The following PCDHGA2 variants were observed in gnomAD, a reference collection of about 807,000 sequenced individuals.
PCDHGA2 encodes the protein protocadherin gamma-A2.
Under a neutral mutation model 59.2 loss-of-function variants are expected in PCDHGA2, and 40 were observed. The ratio of observed to expected loss-of-function variants is 0.68; its 90% CI spans 0.52 to 0.88. The LOEUF (loss-of-function observed/expected upper bound fraction) is 0.88, where lower values mean the gene tolerates loss of function less well. Among genes scored for constraint, PCDHGA2 ranks in the 40% least tolerant of loss-of-function variants. The pLI, the probability that PCDHGA2 is intolerant of heterozygous loss-of-function variation, is 0.00. For synonymous variants in PCDHGA2, 560 were observed against 526.0 expected (o/e 1.06, Z -0.89); for missense variants, 1,226 against 1,204.0 (o/e 1.02, Z -0.27).
chr5:141,408,443 A>G (rs1486863170), intron 1 of PCDHGA2: 1 of 1,613,956 alleles, frequency 6.2e-7, no homozygotes, highest in Non-Finnish European at 8.5e-7. Flanking sequence ...AGACGCGGAG[A>G]GCGGGGACTT....
At chr5:141,403,150 C>G (rs1420317278) in intron 1 of PCDHGA2, 2 of 1,614,046 alleles carry the variant, frequency 1.2e-6, no homozygotes, top group Non-Finnish European at 1.7e-6. Flanking sequence ...GAGTCCGCAT[C>G]GTCTCTAGAG....
chr5:141,416,718 G>T lies in PCDHGA2; in HGVS notation c.2424+75323G>T, dbSNP rs1202204760. The T allele has an allele frequency of 5.9e-5, 9 of 152,308 alleles. No homozygotes were observed. In the East Asian group the frequency reaches 1.5e-3, roughly 26 times the overall value. The allele number at this position is 152,308 out of a possible 1,614,324, so 9.4% of individuals were successfully genotyped here. On this transcript the variant is annotated intron_variant, in intron 1 of 3. Transcript: ENST00000394576. ...AAAGGATCATTGGAGGTACTGATGAGTTCATTTAGTTCAATGAAAATAGTG... is the reference window on the plus strand; with the variant it reads ...AAAGGATCATTGGAGGTACTGATGATTTCATTTAGTTCAATGAAAATAGTG...
In PCDHGA2 at chr5:141,415,239, T is replaced by G. The variant is rs781763142; in HGVS notation, c.2424+73844T>G. The G allele has an allele frequency of 8.1e-6, 13 of 1,614,068 alleles. No individual in the cohort carries two copies. The South Asian group carries it at 1.3e-4, about 16-fold the overall frequency. The stretch of plus-strand genomic sequence containing the variant: ...GCAGCTTCGAGTCTCCAGCTAACTC[T>G]GAAACCTCAGACCTCACTCTGTACC... On this transcript the variant is annotated intron_variant, in intron 1 of 3. Coordinates refer to ENST00000394576, the MANE Select transcript of PCDHGA2 (RefSeq NM_018915.4).
intron 1 of PCDHGA2, chr5:141,341,983 A>G (rs1365200845): frequency 1.3e-5 from 2 of 154,414 alleles, no homozygotes; most frequent in African/African-American, 4.8e-5. Context: ...TCAGGAAGGT[A>G]TGTCATATTA....
At chr5:141,361,018 A>G in intron 1 of PCDHGA2, 1 of 1,613,362 alleles carries the variant, frequency 6.2e-7, no homozygotes, top group Non-Finnish European at 8.5e-7. Context: ...TTTCAACTTA[A>G]ATGAAAAAAC....
intron 3 of PCDHGA2, among the ~76,000 whole-genome samples, chr5:141,509,398 G>A (rs1218925417): frequency 6.6e-6 from 1 of 152,106 alleles, no homozygotes; most frequent in Admixed American, 6.5e-5. Context: ...GGATCTCAGG[G>A]CCTCCAGCAG....
intron 1 of PCDHGA2, among the ~76,000 whole-genome samples, chr5:141,448,086 T>TA (rs558292628): frequency 0.011 from 1,579 of 146,268 alleles, 11 homozygotes; most frequent in Non-Finnish European, 0.016. Context: ...AATGCCATCT[T>TA]AAAAAAAAAA....
intron 1 of PCDHGA2, among the ~76,000 whole-genome samples, chr5:141,456,842 A>G (rs1374546355): frequency 6.6e-6 from 1 of 152,150 alleles, no homozygotes; most frequent in African/African-American, 2.4e-5. Flanking sequence ...GGGCGCCTGT[A>G]ATCCCAGCTA....
At chr5:141,467,131 C>A (rs1441537783) in intron 1 of PCDHGA2, among the ~76,000 whole-genome samples, 1 of 151,702 alleles carries the variant, frequency 6.6e-6, no homozygotes, top group African/African-American at 2.4e-5. Flanking sequence ...CAGCTCACTG[C>A]AACCTCTGCC....
intron 1 of PCDHGA2, chr5:141,389,415 G>A (rs915246049): frequency 1.9e-6 from 3 of 1,613,598 alleles, no homozygotes; most frequent in Non-Finnish European, 2.5e-6. Context: ...GGAGAGCGGG[G>A]TGGTGTTCGC....
chr5:141,403,390 G>T (rs1471861396), intron 1 of PCDHGA2: 14 of 1,614,038 alleles, frequency 8.7e-6, no homozygotes, highest in African/African-American at 1.3e-5. Context: ...ACGAAATCGC[G>T]GTTCCTGGAG....
chr5:141,366,145 C>A, intron 1 of PCDHGA2: 2 of 1,614,192 alleles, frequency 1.2e-6, no homozygotes, highest in Non-Finnish European at 1.7e-6. Context: ...CCTGGCTGTC[C>A]TACCGCCTGC....
chr5:141,474,955 T>C (rs2099356879), intron 1 of PCDHGA2, among the ~76,000 whole-genome samples: 1 of 152,254 alleles, frequency 6.6e-6, no homozygotes, highest in African/African-American at 2.4e-5. Context: ...TTTTATTCAC[T>C]ATCCTAATCA....
At chr5:141,342,862 T>C (rs1477604919) in intron 1 of PCDHGA2, 1 of 152,196 alleles carries the variant, frequency 6.6e-6, no homozygotes, top group Non-Finnish European at 1.5e-5. Context: ...CAGTTGGTTT[T>C]GAAAAAACAT....
chr5:141,509,550 T>C (rs1562240751), intron 3 of PCDHGA2, among the ~76,000 whole-genome samples: 1 of 152,142 alleles, frequency 6.6e-6, no homozygotes, highest in Non-Finnish European at 1.5e-5. Flanking sequence ...TCTCATTTAG[T>C]CCTCACAGCA....
intron 1 of PCDHGA2, chr5:141,384,772 G>A: frequency 6.2e-7 from 1 of 1,613,920 alleles, no homozygotes. Flanking sequence ...GTACACGGGC[G>A]AGGTGCGCAC....
chr5:141,365,958 G>A lies in PCDHGA2; in HGVS notation c.2424+24563G>A, dbSNP rs779781915. On this transcript the variant is annotated intron_variant, in intron 1 of 3. Transcript: ENST00000394576. ...AGCGACAGTGGGAACCCTCCACTTA[G>A]CAGCAACGTGTCGCTGAGCCTGTTT... The A allele has an allele frequency of 6.8e-6, 11 of 1,614,252 alleles. No homozygotes were observed. The East Asian group carries it at 2.0e-4, about 29-fold the overall frequency.
chr5:141,422,833 C>T, intron 1 of PCDHGA2: 2 of 1,614,224 alleles, frequency 1.2e-6, no homozygotes, highest in East Asian at 2.2e-5. Context: ...AGTGATAGCA[C>T]GTGACAGCGG....
rs773624580 is a variant in PCDHGA2 at position 141,489,715 on chromosome 5, G to A, written c.2425-5092G>A. On this transcript the variant is annotated intron_variant, in intron 1 of 3. Transcript: ENST00000394576. The surrounding 1 kb of genome is among the most constrained non-coding windows in gnomAD (Gnocchi z 4.5). ...ACGATTCCCACTGGACAGTGCCCAG[G>A]ATCCGGATGTGGGCACCAATACTGT... The A allele has an allele frequency of 6.2e-6, 10 of 1,614,004 alleles. No homozygotes were observed. The highest frequency in any genetic ancestry group is 2.2e-5 in the East Asian group (1 of 44,886).
Sources: gnomAD v4.1 joint callset for allele counts (sites outside exome capture counted in the v4.1 genomes callset) on GRCh38, gnomAD v4.1.1 for gene constraint, Gnocchi (gnomAD v3.1) non-coding constraint, MANE v1.5 for transcripts, NCBI Gene and HGNC (gene_info 2026-07-23, HGNC 2026-07-21) for gene names.